GRID2: variants seen among roughly 807,000 people sequenced by gnomAD.
GRID2 encodes glutamate receptor ionotropic, delta-2.
GRID2 carries 33 observed loss-of-function variants against 114.8 expected under a neutral mutation model. That is an observed-to-expected ratio of 0.29 (90% CI 0.22 to 0.38). The LOEUF is 0.38. Among genes scored for constraint, GRID2 ranks in the 10% least tolerant of loss-of-function variants. GRID2 has a pLI of 1.00. For synonymous variants in GRID2, 505 were observed against 449.9 expected, an observed-to-expected ratio of 1.12 and a Z score of -1.55; for missense variants, 1,184 against 1,257.7, an observed-to-expected ratio of 0.94 and a Z score of 0.89.
chr4:92,907,319 G>C (rs1164664212), intron 2 of GRID2, among the ~76,000 whole-genome samples: 1 of 152,136 alleles, frequency 6.6e-6, no homozygotes, highest in African/African-American at 2.4e-5. Flanking sequence ...CAGCAACTCT[G>C]TAGAGGACAA....
intron 6 of GRID2, among the ~76,000 whole-genome samples, chr4:93,219,700 C>A (rs1744654920): frequency 2.0e-5 from 3 of 152,088 alleles, no homozygotes. Flanking sequence ...CACCTTTTAG[C>A]TAGAAAATGG....
chr4:92,942,196 T>A (rs904030775), intron 2 of GRID2, among the ~76,000 whole-genome samples: 1 of 152,058 alleles, frequency 6.6e-6, no homozygotes, highest in Non-Finnish European at 1.5e-5. Flanking sequence ...ATTATTGTGT[T>A]GGAGTCTAAG....
At chr4:93,728,347 G>A (rs559108509) in intron 14 of GRID2, among the ~76,000 whole-genome samples, 1 of 152,168 alleles carries the variant, frequency 6.6e-6, no homozygotes, top group Non-Finnish European at 1.5e-5. Context: ...TGTGGTCTGA[G>A]AGACAGTTTG....
At chr4:92,767,193 T>C (rs368788502) in intron 2 of GRID2, among the ~76,000 whole-genome samples, 1 of 152,214 alleles carries the variant, frequency 6.6e-6, no homozygotes, top group African/African-American at 2.4e-5. Flanking sequence ...GTTTCAGCCA[T>C]ACCCTTGAAA....
intron 11 of GRID2, among the ~76,000 whole-genome samples, chr4:93,458,463 C>G (rs1723413768): frequency 6.6e-6 from 1 of 152,118 alleles, no homozygotes; most frequent in Non-Finnish European, 1.5e-5. Context: ...CATGAGGTCA[C>G]TTTGCATGGG....
At chr4:92,841,891 T>C (rs963782690) in intron 2 of GRID2, among the ~76,000 whole-genome samples, 9 of 152,136 alleles carry the variant, frequency 5.9e-5, no homozygotes, top group Non-Finnish European at 1.0e-4. Flanking sequence ...TTTTAACTTA[T>C]TGCATTTATA....
chr4:93,782,349 CCTG>C (rs1308388638), intron 1 of GRID2, among the ~76,000 whole-genome samples: 1 of 152,074 alleles, frequency 6.6e-6, no homozygotes, highest in Admixed American at 6.6e-5. Context: ...ATTAAAAATA[CCTG>C]CTATGTTCAA....
intron 2 of GRID2, among the ~76,000 whole-genome samples, chr4:92,592,331 T>TA (rs1244984765): frequency 6.6e-6 from 1 of 151,740 alleles, no homozygotes; most frequent in African/African-American, 2.4e-5. Flanking sequence ...TAACCTTGAG[T>TA]AAAAAAGTAG....
intron 14 of GRID2, among the ~76,000 whole-genome samples, chr4:93,699,081 C>T (rs1165244411): frequency 6.6e-6 from 1 of 152,090 alleles, no homozygotes; most frequent in Non-Finnish European, 1.5e-5. Context: ...TACACCTCCT[C>T]AACATCTGTT....
At chr4:93,093,861 T>C (rs969020899) in intron 3 of GRID2, among the ~76,000 whole-genome samples, 6 of 151,974 alleles carry the variant, frequency 3.9e-5, no homozygotes, top group African/African-American at 1.4e-4. Context: ...GGGAAGGGAT[T>C]GTGGATCCAG....
intron 3 of GRID2, among the ~76,000 whole-genome samples, chr4:93,088,878 G>C (rs1316688603): frequency 6.6e-6 from 1 of 152,004 alleles, no homozygotes. Flanking sequence ...GTCTGACAGA[G>C]CCTATGATCT....
At chr4:92,467,575 T>C (rs930343885) in intron 1 of GRID2, among the ~76,000 whole-genome samples, 2 of 152,016 alleles carry the variant, frequency 1.3e-5, no homozygotes, top group African/African-American at 2.4e-5. Context: ...TTCTCTTATT[T>C]CTGTTTTCTT....
chr4:92,432,378 G>A (rs1732505562), intron 1 of GRID2, among the ~76,000 whole-genome samples: 1 of 152,022 alleles, frequency 6.6e-6, no homozygotes, highest in African/African-American at 2.4e-5. Flanking sequence ...TGCCGTTTGG[G>A]GACCAAGGCC....
At chr4:92,405,935 G>T (rs1220104322) in intron 1 of GRID2, among the ~76,000 whole-genome samples, 1 of 152,148 alleles carries the variant, frequency 6.6e-6, no homozygotes, top group Non-Finnish European at 1.5e-5. Context: ...CAGGCCGTCT[G>T]CAAGCTGAGG....
intron 2 of GRID2, among the ~76,000 whole-genome samples, chr4:93,080,649 T>C (rs922680190): frequency 2.0e-5 from 3 of 152,164 alleles, no homozygotes; most frequent in African/African-American, 7.2e-5. Flanking sequence ...GTGGACAAAC[T>C]GGGAGCACTT....
intron 8 of GRID2, among the ~76,000 whole-genome samples, chr4:93,311,754 A>G (rs1050307350): frequency 1.3e-5 from 2 of 152,208 alleles, no homozygotes; most frequent in Admixed American, 6.5e-5. Context: ...TACTTCAAGA[A>G]GCAAAGAGTG....
intron 13 of GRID2, among the ~76,000 whole-genome samples, chr4:93,560,443 C>T (rs927954930): frequency 2.0e-5 from 3 of 151,658 alleles, no homozygotes; most frequent in South Asian, 2.1e-4. Flanking sequence ...GCAAGTGTGG[C>T]GGGGAGCTGC....
At chr4:92,769,098 A>G (rs933812340) in intron 2 of GRID2, among the ~76,000 whole-genome samples, 4 of 152,160 alleles carry the variant, frequency 2.6e-5, no homozygotes, top group African/African-American at 9.7e-5. Flanking sequence ...CAAGTTAGTT[A>G]CTTTCTAGAT....
intron 1 of GRID2, among the ~76,000 whole-genome samples, chr4:92,440,977 A>C (rs1340140775): frequency 6.6e-6 from 1 of 151,724 alleles, no homozygotes; most frequent in Non-Finnish European, 1.5e-5. Context: ...AGTTATGAGA[A>C]CTGTAGAGAG....
Sources: allele counts gnomAD v4.1 joint callset (sites outside exome capture counted in the v4.1 genomes callset), GRCh38; gene constraint gnomAD v4.1.1; transcripts MANE v1.5; gene names NCBI Gene and HGNC (gene_info 2026-07-23, HGNC 2026-07-21).